Variants in NALF1 observed in about 807,000 individuals in gnomAD.
The protein encoded by NALF1 is family with sequence similarity 155 member A.
NALF1 carries 3 observed loss-of-function variants against 48.4 expected under a neutral mutation model. That is an observed-to-expected ratio of 0.06 (90% confidence interval 0.03 to 0.16). NALF1 has a LOEUF of 0.16. Among genes scored for constraint, NALF1 ranks in the 10% least tolerant of loss-of-function variants. NALF1 has a pLI of 1.00. For synonymous variants in NALF1, 262 were observed against 245.7 expected (o/e 1.07, Z -0.62); for missense variants, 526 against 571.5 (o/e 0.92, Z 0.81).
At chr13:107,534,525 T>G (rs1051005039) in intron 1 of NALF1, among the ~76,000 whole-genome samples, 1 of 152,178 alleles carries the variant, frequency 6.6e-6, no homozygotes, top group African/African-American at 2.4e-5. Context: ...GTTTATTACA[T>G]AGGTAAATGT....
intron 1 of NALF1, among the ~76,000 whole-genome samples, chr13:107,739,708 G>A (rs888068732): frequency 1.3e-5 from 2 of 152,138 alleles, no homozygotes. Context: ...TAGGAACGGG[G>A]CCACACAGCA....
intron 1 of NALF1, among the ~76,000 whole-genome samples, chr13:107,450,333 A>G (rs1216741892): frequency 6.6e-6 from 1 of 152,086 alleles, no homozygotes; most frequent in Non-Finnish European, 1.5e-5. Context: ...AGCCACGGGG[A>G]CTGGGGGCCT....
chr13:107,679,193 A>C (rs1257523464), intron 1 of NALF1, among the ~76,000 whole-genome samples: 1 of 152,088 alleles, frequency 6.6e-6, no homozygotes, highest in Non-Finnish European at 1.5e-5. Context: ...TTAATGTATA[A>C]TTTTTCATAA....
chr13:107,810,545 T>TG (rs1878956904), intron 1 of NALF1, among the ~76,000 whole-genome samples: 1 of 152,150 alleles, frequency 6.6e-6, no homozygotes, highest in Non-Finnish European at 1.5e-5. Context: ...ATAGCTTCTT[T>TG]TATATTTATA....
chr13:107,763,041 CT>C (rs199706000), intron 1 of NALF1, among the ~76,000 whole-genome samples: 22,694 of 146,572 alleles, frequency 0.15, 1,890 homozygotes, highest in Admixed American at 0.24. Flanking sequence ...TGTTTGATAC[CT>C]TTTTTTTTTT....
chr13:107,232,451 A>G (rs912919977), intron 1 of NALF1, among the ~76,000 whole-genome samples: 1 of 152,202 alleles, frequency 6.6e-6, no homozygotes, highest in Non-Finnish European at 1.5e-5. Flanking sequence ...TCCTATCTCT[A>G]AGATTCGATG....
intron 1 of NALF1, among the ~76,000 whole-genome samples, chr13:107,284,180 G>A (rs1425382940): frequency 1.3e-5 from 2 of 152,022 alleles, no homozygotes; most frequent in African/African-American, 2.4e-5. Context: ...TAGATATACA[G>A]GGGGAATTTA....
chr13:107,866,256 G>A lies in NALF1; in HGVS notation c.341C>T (p.Ser114Leu), dbSNP rs931273903. 2 of 1,594,074 alleles carry A rather than the reference G, an allele frequency of 1.3e-6. No individual in the cohort carries two copies. Among genetic ancestry groups the A allele is most frequent in the African/African-American group, 2.7e-5 (2 of 74,592 alleles). ...GAGTCTGTGTGCCTGGGCGGCGGGC[G>A]AGGACTCCCCCATGCTCGCCAGGAG... is the stretch of plus-strand genomic sequence containing the variant. Reference protein sequence around the residue: ...PALLASMGESSPAAQAHRLLS... With the variant: ...PALLASMGESLPAAQAHRLLS... The change falls in exon 1 of 3, where the codon TCG (serine) becomes TTG (leucine). Residue 114 changes from serine (S) to leucine (L), a missense_variant. By Grantham distance (145) the Ser-to-Leu change is moderately radical. Transcript: ENST00000375915. This position sits in a 1 kb window ranked among gnomAD's most constrained non-coding sequence, Gnocchi z 4.4.
chr13:107,464,033 T>C (rs1334262625), intron 1 of NALF1, among the ~76,000 whole-genome samples: 1 of 152,128 alleles, frequency 6.6e-6, no homozygotes, highest in Non-Finnish European at 1.5e-5. Flanking sequence ...AGGTGTAGAA[T>C]AGTAAGAATG....
intron 2 of NALF1, among the ~76,000 whole-genome samples, chr13:107,199,573 T>A (rs920864455): frequency 1.1e-4 from 16 of 152,098 alleles, no homozygotes; most frequent in Non-Finnish European, 2.4e-4. Context: ...ATTGAACACA[T>A]GACACTGAGT....
At chr13:107,312,928 G>T (rs1442588062) in intron 1 of NALF1, among the ~76,000 whole-genome samples, 1 of 152,124 alleles carries the variant, frequency 6.6e-6, no homozygotes, top group African/African-American at 2.4e-5. Context: ...TTTGAGGAAA[G>T]CTCCCTACAT....
chr13:107,604,065 T>C (rs907493588), intron 1 of NALF1, among the ~76,000 whole-genome samples: 2 of 152,224 alleles, frequency 1.3e-5, no homozygotes, highest in African/African-American at 2.4e-5. Context: ...AAATGATTCA[T>C]GTAGCTAAAA....
chr13:107,657,463 T>C (rs1283413758), intron 1 of NALF1, among the ~76,000 whole-genome samples: 1 of 152,188 alleles, frequency 6.6e-6, no homozygotes, highest in Non-Finnish European at 1.5e-5. Context: ...TCTGTGTGTG[T>C]GGATGCATTC....
chr13:107,705,170 G>A (rs757619028), intron 1 of NALF1, among the ~76,000 whole-genome samples: 4 of 152,132 alleles, frequency 2.6e-5, no homozygotes, highest in Non-Finnish European at 4.4e-5. Context: ...GTAATCTCAA[G>A]ACACTGTAAA....
intron 1 of NALF1, among the ~76,000 whole-genome samples, chr13:107,334,816 T>C (rs2138927507): frequency 6.6e-6 from 1 of 152,264 alleles, no homozygotes; most frequent in South Asian, 2.1e-4. Flanking sequence ...AGGAACACAG[T>C]GAAGGATTGC....
intron 1 of NALF1, among the ~76,000 whole-genome samples, chr13:107,790,775 T>C (rs549550212): frequency 4.6e-5 from 7 of 152,272 alleles, no homozygotes; most frequent in East Asian, 1.9e-4. Flanking sequence ...AAAAAATGCA[T>C]AGAAAATGGG....
chr13:107,803,135 C>G (rs1046125131), intron 1 of NALF1, among the ~76,000 whole-genome samples: 2 of 152,076 alleles, frequency 1.3e-5, no homozygotes, highest in African/African-American at 2.4e-5. Context: ...GAATGACCAT[C>G]GCAGACATGA....
chr13:107,818,843 G>T (rs534323060), intron 1 of NALF1, among the ~76,000 whole-genome samples: 1 of 113,050 alleles, frequency 8.8e-6, no homozygotes, highest in East Asian at 3.2e-4. Flanking sequence ...CTGCACTCCA[G>T]CCTGGGCGAC....
At chr13:107,827,162 T>C (rs1879544860) in intron 1 of NALF1, among the ~76,000 whole-genome samples, 2 of 152,232 alleles carry the variant, frequency 1.3e-5, no homozygotes, top group Admixed American at 6.5e-5. Flanking sequence ...AATATACTTG[T>C]TTTAACCAAT....
Sources: allele counts gnomAD v4.1 joint callset (sites outside exome capture counted in the v4.1 genomes callset), GRCh38; gene constraint gnomAD v4.1.1; non-coding constraint Gnocchi (gnomAD v3.1); transcripts MANE v1.5; gene names NCBI Gene and HGNC (gene_info 2026-07-23, HGNC 2026-07-21).